The following PTPRZ1 variants were observed in gnomAD, a reference collection of about 807,000 sequenced individuals.
PTPRZ1 encodes the protein receptor-type tyrosine-protein phosphatase zeta.
In PTPRZ1, 82 loss-of-function variants were observed where a neutral mutation model predicts 214.1. That is an observed-to-expected ratio of 0.38 (90% CI 0.32 to 0.46). PTPRZ1 has a LOEUF of 0.46. PTPRZ1 is among the 20% of genes least tolerant of loss of function. PTPRZ1 has a pLI of 1.00. For missense variants in PTPRZ1, 2,603 were observed against 2,748.7 expected (o/e 0.95, Z 1.19); for synonymous variants, 945 against 987.9 (o/e 0.96, Z 0.81).
intron 2 of PTPRZ1, among the ~76,000 whole-genome samples, chr7:121,941,775 AC>A (rs1391416228): frequency 1.1e-4 from 16 of 152,180 alleles, no homozygotes; most frequent in Non-Finnish European, 1.9e-4. Flanking sequence ...ACTTCACTGT[AC>A]CAGGTGAACT....
chr7:121,972,134 G>A (rs1460816197), intron 3 of PTPRZ1, among the ~76,000 whole-genome samples: 4 of 151,840 alleles, frequency 2.6e-5, no homozygotes, highest in Admixed American at 6.6e-5. Context: ...AAAATAGGAA[G>A]GTGAGAGAAC....
intron 2 of PTPRZ1, among the ~76,000 whole-genome samples, chr7:121,940,493 A>G (rs1279167419): frequency 6.6e-6 from 1 of 152,150 alleles, no homozygotes; most frequent in Non-Finnish European, 1.5e-5. Context: ...CAAGCTCCAG[A>G]GACAGTCCTA....
intron 23 of PTPRZ1, among the ~76,000 whole-genome samples, chr7:122,044,871 T>G (rs73440955): frequency 0.026 from 3,889 of 152,000 alleles, 61 homozygotes; most frequent in African/African-American, 0.044. Context: ...TTGTAAAACA[T>G]ACTATATAAG....
chr7:121,884,738 G>A (rs1563000251), intron 1 of PTPRZ1, among the ~76,000 whole-genome samples: 1 of 152,168 alleles, frequency 6.6e-6, no homozygotes, highest in South Asian at 2.1e-4. Flanking sequence ...TTACAGATAT[G>A]AATTGTACCC....
intron 1 of PTPRZ1, among the ~76,000 whole-genome samples, chr7:121,888,333 G>A (rs570026668): frequency 6.6e-6 from 1 of 151,906 alleles, no homozygotes; most frequent in Admixed American, 6.6e-5. Context: ...GTAAGGGACT[G>A]TGAAAAAAAT....
At chr7:121,996,262 A>G in intron 8 of PTPRZ1, 120 bp from the exon 9 acceptor site, 1 of 676,750 alleles carries the variant, frequency 1.5e-6, no homozygotes, top group Non-Finnish European at 2.3e-6. Context: ...ACAGTGGGAA[A>G]GTGTAACTTT....
intron 23 of PTPRZ1, among the ~76,000 whole-genome samples, chr7:122,046,244 T>C (rs184393244): frequency 6.3e-4 from 96 of 152,078 alleles, no homozygotes; most frequent in East Asian, 5.6e-3. Flanking sequence ...AGCAAGACCC[T>C]GTCTCTATAA....
chr7:121,917,256 A>G (rs1362290404), intron 1 of PTPRZ1, among the ~76,000 whole-genome samples: 1 of 152,238 alleles, frequency 6.6e-6, no homozygotes, highest in African/African-American at 2.4e-5. Flanking sequence ...GAATATAGCT[A>G]GGTGCTCGTT....
intron 3 of PTPRZ1, 148 bp downstream of exon 3, chr7:121,968,278 G>A: frequency 1.8e-6 from 1 of 568,396 alleles, no homozygotes. Flanking sequence ...CAGAGAAAAT[G>A]GGAAATTTAG....
At chr7:121,903,500 G>T (rs1338443384) in intron 1 of PTPRZ1, among the ~76,000 whole-genome samples, 1 of 151,488 alleles carries the variant, frequency 6.6e-6, no homozygotes, top group East Asian at 1.9e-4. Context: ...GAAAAGCCAG[G>T]GTTCTGTTGC....
At chr7:121,919,538 A>G (rs1026961782) in intron 1 of PTPRZ1, among the ~76,000 whole-genome samples, 15 of 152,080 alleles carry the variant, frequency 9.9e-5, no homozygotes, top group Admixed American at 5.9e-4. Context: ...TTTTCTTCAT[A>G]CATAGAAATG....
chr7:121,891,238 C>T (rs1052997006), intron 1 of PTPRZ1, among the ~76,000 whole-genome samples: 1 of 152,084 alleles, frequency 6.6e-6, no homozygotes, highest in African/African-American at 2.4e-5. Flanking sequence ...AACCACCTCT[C>T]TTCTCAAATG....
At chr7:121,913,044 A>G (rs914154330) in intron 1 of PTPRZ1, among the ~76,000 whole-genome samples, 5 of 152,218 alleles carry the variant, frequency 3.3e-5, no homozygotes, top group African/African-American at 1.2e-4. Flanking sequence ...GGAGCAAGAT[A>G]GGCACATTTT....
intron 13 of PTPRZ1, among the ~76,000 whole-genome samples, chr7:122,022,153 A>G (rs921722609): frequency 2.6e-5 from 4 of 152,202 alleles, no homozygotes; most frequent in Non-Finnish European, 5.9e-5. Context: ...CCAAGTTTAT[A>G]TATTTAAACT....
chr7:121,951,274 G>A (rs1014636152), intron 2 of PTPRZ1, among the ~76,000 whole-genome samples: 2 of 152,170 alleles, frequency 1.3e-5, no homozygotes, highest in Non-Finnish European at 2.9e-5. Context: ...AGCTGAGAGA[G>A]ATACAACCTC....
intron 23 of PTPRZ1, among the ~76,000 whole-genome samples, chr7:122,047,272 T>A (rs1447492737): frequency 2.6e-5 from 4 of 152,196 alleles, no homozygotes; most frequent in Non-Finnish European, 5.9e-5. Flanking sequence ...TATATAACTC[T>A]TAAAAATTGT....
chr7:121,972,330 A>G (rs1237251106), intron 3 of PTPRZ1, among the ~76,000 whole-genome samples: 2 of 152,140 alleles, frequency 1.3e-5, no homozygotes, highest in African/African-American at 2.4e-5. Context: ...TACACTAGTC[A>G]ATATCTTCAG....
In PTPRZ1 at chr7:121,980,812, G is replaced by C. The variant is rs544794286; in HGVS notation, c.620-2853G>C. 3.9e-5 allele frequency among the ~76,000 whole-genome samples: 6 copies of C among 152,302 alleles called. No individual in the cohort carries two copies. The South Asian group carries it at 1.2e-3, about 32-fold the overall frequency. On this transcript the variant is annotated intron_variant, in intron 6 of 29. Transcript: ENST00000393386. ...TGGAATAGACTTTTAAGATCAGATA[G>C]TCTAGTCATTTCGTATTCTAATGTG...
chr7:121,878,028 T>G (rs539825832), intron 1 of PTPRZ1, among the ~76,000 whole-genome samples: 1 of 151,662 alleles, frequency 6.6e-6, no homozygotes, highest in African/African-American at 2.4e-5. Flanking sequence ...AGTGTCTTAT[T>G]GAGATTAATT....
Sources: gnomAD v4.1 joint callset for allele counts (sites outside exome capture counted in the v4.1 genomes callset) on GRCh38, gnomAD v4.1.1 for gene constraint, MANE v1.5 for transcripts, NCBI Gene and HGNC (gene_info 2026-07-23, HGNC 2026-07-21) for gene names.